The following XPO6 variants were observed in gnomAD, a reference collection of about 807,000 sequenced individuals.
XPO6 encodes exportin-6.
A neutral mutation model predicts 130.0 loss-of-function variants in XPO6; 3 were observed. That is an observed-to-expected ratio of 0.02 (90% CI 0.01 to 0.06). XPO6 has a LOEUF of 0.06. Ranked by LOEUF, XPO6 falls within the 10% of genes least tolerant of loss-of-function variation. The probability of loss-of-function intolerance (pLI) is 1.00; values close to 1 mark genes in which losing one functional copy is unlikely to be tolerated. For synonymous variants in XPO6, 524 were observed against 548.9 expected, an observed-to-expected ratio of 0.95 and a Z score of 0.63; for missense variants, 970 against 1,393.0, an observed-to-expected ratio of 0.70 and a Z score of 4.83.
At chr16:28,188,996 C>A (rs1252247087) in intron 1 of XPO6, among the ~76,000 whole-genome samples, 2 of 152,122 alleles carry the variant, frequency 1.3e-5, no homozygotes, top group African/African-American at 4.8e-5. Context: ...AGGTCTTGCT[C>A]TGTCGCCCAG....
chr16:28,189,410 C>T (rs2043749839), intron 1 of XPO6, among the ~76,000 whole-genome samples: 1 of 152,118 alleles, frequency 6.6e-6, no homozygotes, highest in Non-Finnish European at 1.5e-5. Context: ...GGATGACTCG[C>T]TCAAAGACAC....
intron 15 of XPO6, among the ~76,000 whole-genome samples, chr16:28,114,768 G>A (rs531188574): frequency 4.6e-5 from 7 of 152,262 alleles, no homozygotes; most frequent in East Asian, 3.9e-4. Context: ...TGGAGCATGC[G>A]GTGCCGTTTC....
intron 8 of XPO6, among the ~76,000 whole-genome samples, chr16:28,148,167 C>T (rs1418466038): frequency 6.6e-6 from 1 of 152,168 alleles, no homozygotes. Flanking sequence ...CACATAAATC[C>T]AAGTATTATG....
chr16:28,111,417 GA>G, intron 17 of XPO6: 1 of 156,062 alleles, frequency 6.4e-6, no homozygotes. Context: ...AACCAATCTG[GA>G]AAAATAGTTC....
chr16:28,152,093 C>T (rs2043103657), intron 8 of XPO6, among the ~76,000 whole-genome samples: 1 of 136,256 alleles, frequency 7.3e-6, no homozygotes, highest in African/African-American at 2.8e-5. Context: ...TGTGTGTACA[C>T]ACACATACTA....
Position 28,152,725 on chromosome 16 carries a change from G to C in XPO6, c.1158C>G (p.Ile386Met), listed in dbSNP as rs765685994. Residue 386 changes from isoleucine to methionine, a missense_variant, in exon 8 of 24, where the codon ATC (isoleucine) becomes ATG (methionine). By Grantham distance (10) the Ile-to-Met change is conservative (BLOSUM62 1). Around this residue, in one of 4 missense-constraint regions of XPO6, gnomAD observed 936 missense variants for 1,306.8 expected, o/e 0.72. Coordinates refer to ENST00000304658, the MANE Select transcript of XPO6 (RefSeq NM_015171.4). ...CCACAGGGAACTGGGAGTAAGACTC[G>C]ATTCTTCTTAGGTGAACACTCACAA... ...RLFVSVHLRR[I>M]ESYSQFPVVE... The C allele has an allele frequency of 2.5e-6, 4 of 1,613,482 alleles. No homozygotes were observed. The highest frequency in any genetic ancestry group is 3.4e-6 in the Non-Finnish European group (4 of 1,179,788).
In XPO6 at chr16:28,132,352, T is replaced by C; in HGVS notation, c.1588A>G (p.Ile530Val). ...LEVYLGLQQFIVTSGSGHRLN... is the reference protein window; with the variant it reads ...LEVYLGLQQFVVTSGSGHRLN... ...AGTTTACCTGACCCTGAAGTGACTATAAACTGTTGTAATCCCAAATAAACT... is the reference window on the plus strand; with the variant it reads ...AGTTTACCTGACCCTGAAGTGACTACAAACTGTTGTAATCCCAAATAAACT... Residue 530 changes from isoleucine to valine, a missense_variant, in exon 12 of 24, where the codon ATA becomes GTA. By Grantham distance (29) the Ile-to-Val change is conservative. Coordinates refer to ENST00000304658, the MANE Select transcript of XPO6 (RefSeq NM_015171.4). The surrounding 1 kb of genome is among the most constrained non-coding windows in gnomAD (Gnocchi z 4.0). 1 of 1,608,928 alleles carries C rather than the reference T, an allele frequency of 6.2e-7. No individual in the cohort carries two copies. Among genetic ancestry groups the C allele is most frequent in the Non-Finnish European group, 8.5e-7 (1 of 1,177,714 alleles).
chr16:28,107,569 G>A lies in XPO6; in HGVS notation c.2450C>T (p.Ser817Phe), dbSNP rs755454850. The A allele has an allele frequency of 6.2e-7, 1 of 1,614,102 alleles. No homozygotes were observed. The highest frequency in any genetic ancestry group is 8.5e-7 in the Non-Finnish European group (1 of 1,180,044). The part of the protein sequence containing the change: ...RQICYQSLQE[S>F]VQVSLALFPA... ...AAAGAGGGCCAGGGAGACCTGAACA[G>A]ATTCCTGCAGCGACTGGTAGCAAAT... The change falls in exon 18 of 24, where the codon TCT becomes TTT. Residue 817 changes from serine (S) to phenylalanine (F), a missense_variant. By Grantham distance (155) the Ser-to-Phe change is radical (BLOSUM62 -2). This residue lies in a region of XPO6 where 936 missense variants were observed against 1,306.8 expected (regional missense o/e 0.72). Transcript: ENST00000304658.
chr16:28,207,104 C>T (rs1206430626), intron 1 of XPO6, among the ~76,000 whole-genome samples: 3 of 151,840 alleles, frequency 2.0e-5, no homozygotes, highest in Non-Finnish European at 4.4e-5. Flanking sequence ...AAAAATTAGC[C>T]GGGTATGGTG....
intron 7 of XPO6, chr16:28,154,417 G>A (rs542899458): frequency 6.1e-6 from 3 of 490,556 alleles, no homozygotes; most frequent in Non-Finnish European, 7.9e-6. Flanking sequence ...CCCACCTTCT[G>A]GTACAGGTGC....
chr16:28,173,764 T>A (rs2043492274), intron 4 of XPO6, among the ~76,000 whole-genome samples: 1 of 152,126 alleles, frequency 6.6e-6, no homozygotes, highest in Non-Finnish European at 1.5e-5. Flanking sequence ...CAGTGGACAA[T>A]TAGCCTTTTT....
At chr16:28,116,246 G>T (rs1428195771) in intron 15 of XPO6, among the ~76,000 whole-genome samples, 3 of 152,168 alleles carry the variant, frequency 2.0e-5, no homozygotes, top group African/African-American at 7.2e-5. Context: ...CAGATCATGA[G>T]GTCAGGAGAT....
At chr16:28,148,310 C>T (rs2043020915) in intron 8 of XPO6, among the ~76,000 whole-genome samples, 1 of 152,220 alleles carries the variant, frequency 6.6e-6, no homozygotes, top group Non-Finnish European at 1.5e-5. Context: ...CTTTCACATC[C>T]ATTCCTGCAG....
Position 28,101,349 on chromosome 16 carries a change from G to T in XPO6, c.3276+109C>A. ...TGAGCTGCCGCCAAGCTGCAGGGTG[G>T]GCACAGACCACGCCCAGAGGCCTCA... On this transcript the variant is annotated intron_variant, in intron 23 of 23. Coordinates refer to ENST00000304658, the MANE Select transcript of XPO6 (RefSeq NM_015171.4). The surrounding 1 kb of genome is among the most constrained non-coding windows in gnomAD (Gnocchi z 5.4). The T allele has an allele frequency of 2.1e-6, 2 of 954,964 alleles. No individual in the cohort carries two copies. Among genetic ancestry groups the T allele is most frequent in the South Asian group, 1.4e-5 (1 of 73,582 alleles). 59.2% of individuals were successfully genotyped at this position (954,964 alleles called of 1,614,324 possible).
chr16:28,153,209 G>C, intron 7 of XPO6: 1 of 992,402 alleles, frequency 1.0e-6, no homozygotes, highest in Non-Finnish European at 1.2e-6. Context: ...AACAAAACCA[G>C]GCTACGAAGG....
chr16:28,139,144 C>A (rs2042837456), intron 9 of XPO6, among the ~76,000 whole-genome samples: 1 of 152,132 alleles, frequency 6.6e-6, no homozygotes, highest in Admixed American at 6.6e-5. Context: ...TATGTGAGGT[C>A]AAAGAGTAGG....
At chr16:28,114,961 G>A (rs992635611) in intron 15 of XPO6, among the ~76,000 whole-genome samples, 2 of 152,184 alleles carry the variant, frequency 1.3e-5, no homozygotes, top group African/African-American at 4.8e-5. Context: ...TTTACAAGAA[G>A]CAAGTCCCCA....
chr16:28,125,673 G>T lies in XPO6; in HGVS notation c.1766+16C>A, dbSNP rs754523694. On this transcript the variant is annotated intron_variant, in intron 13 of 23. Coordinates refer to ENST00000304658, the MANE Select transcript of XPO6 (RefSeq NM_015171.4). ...TCTGAAGAAGGAACAGCTCCATAAG[G>T]TAACTGCCAGCCTACCTTTCCACGA... 3.1e-6 allele frequency: 5 copies of T among 1,611,202 alleles called. No individual in the cohort carries two copies. The highest frequency in any genetic ancestry group is 4.2e-6 in the Non-Finnish European group (5 of 1,178,232).
At chr16:28,169,584 T>G (rs2043416827) in intron 5 of XPO6, among the ~76,000 whole-genome samples, 166 bp downstream of exon 5, 1 of 152,246 alleles carries the variant, frequency 6.6e-6, no homozygotes, top group Non-Finnish European at 1.5e-5. Flanking sequence ...TTTGTAGTCC[T>G]ACTGTGTGCT....
Sources: gnomAD v4.1 joint callset for allele counts (sites outside exome capture counted in the v4.1 genomes callset) on GRCh38, gnomAD v4.1.1 for gene constraint, gnomAD v4.1.1 regional missense constraint, Gnocchi (gnomAD v3.1) non-coding constraint, MANE v1.5 for transcripts, NCBI Gene and HGNC (gene_info 2026-07-23, HGNC 2026-07-21) for gene names.